The following KLHL5 variants were observed in gnomAD, a reference collection of about 807,000 sequenced individuals.
The protein encoded by KLHL5 is kelch like family member 5, also known as kelch-like protein 5.
KLHL5 carries 48 observed loss-of-function variants against 77.7 expected under a neutral mutation model. That is an observed-to-expected ratio of 0.62 (90% CI 0.49 to 0.79). The LOEUF (loss-of-function observed/expected upper bound fraction) is 0.79, where lower values mean the gene tolerates loss of function less well. Among genes scored for constraint, KLHL5 ranks in the 30% least tolerant of loss-of-function variants. The probability of loss-of-function intolerance (pLI) is 0.00; values close to 1 mark genes in which losing one functional copy is unlikely to be tolerated. For missense variants in KLHL5, 723 were observed against 859.7 expected, an observed-to-expected ratio of 0.84 and a Z score of 1.99; for synonymous variants, 260 against 297.0, an observed-to-expected ratio of 0.88 and a Z score of 1.28.
rs530381604 is a variant in KLHL5 at position 39,115,550 on chromosome 4, T to G, written c.2073+220T>G. 86 of 1,456,220 alleles carry G rather than the reference T, an allele frequency of 5.9e-5. No individual in the cohort carries two copies. The African/African-American group carries it at 1.1e-3, about 19-fold the overall frequency. The allele number at this position is 1,456,220 out of a possible 1,614,324, so 90.2% of individuals were successfully genotyped here. On this transcript the variant is annotated intron_variant, in intron 10 of 10. Transcript: ENST00000504108. The stretch of plus-strand genomic sequence containing the variant: ...GATGTAAGTTAATACTCAGAGAAAT[T>G]ATTAATTATCTGCTACCACTTGCAT...
intron 10 of KLHL5, 54 bp downstream of exon 10, chr4:39,115,384 C>A: frequency 5.0e-6 from 8 of 1,602,004 alleles, no homozygotes; most frequent in Non-Finnish European, 6.8e-6. Context: ...TAAAACAATT[C>A]TTATGGTAAA....
At chr4:39,078,790 G>A (rs796887330) in intron 2 of KLHL5, among the ~76,000 whole-genome samples, 10 of 152,046 alleles carry the variant, frequency 6.6e-5, no homozygotes, top group African/African-American at 2.4e-4. Flanking sequence ...TACACATTGG[G>A]TACAGTGTAC....
chr4:39,070,744 G>A (rs968594392), intron 1 of KLHL5, among the ~76,000 whole-genome samples: 7 of 152,202 alleles, frequency 4.6e-5, no homozygotes, highest in African/African-American at 1.7e-4. Context: ...GGGGAAAAAC[G>A]CCCTATAAAT....
chr4:39,045,174 C>G, intron 1 of KLHL5: 1 of 984,002 alleles, frequency 1.0e-6, no homozygotes, highest in African/African-American at 1.7e-5. Context: ...ACGCGACTCT[C>G]ACGCCCCGCT....
upstream of KLHL5, chr4:39,044,895 C>A: frequency 2.0e-6 from 2 of 976,154 alleles, no homozygotes; most frequent in Non-Finnish European, 2.4e-6. Flanking sequence ...GACCCCCCGG[C>A]CTGGCGCCGC....
chr4:39,078,106 A>C (rs1421620502), intron 2 of KLHL5, among the ~76,000 whole-genome samples: 1 of 152,096 alleles, frequency 6.6e-6, no homozygotes, highest in African/African-American at 2.4e-5. Flanking sequence ...TGATACAATG[A>C]GGCCAGGCGC....
At chr4:39,135,649 A>C in the KLHL5 span, 1 of 152,312 alleles carries the variant, frequency 6.6e-6, no homozygotes. Context: ...CATGCCTGTA[A>C]TCCTAGCACT....
In KLHL5 at chr4:39,081,981, A is replaced by G. The variant is rs1353266637; in HGVS notation, c.722A>G (p.Glu241Gly). ...YAYTGRLELK[E>G]DNIECLLSTA... The stretch of plus-strand genomic sequence containing the variant: ...CATTAAGGCCGCCTTGAATTAAAAG[A>G]AGATAATATTGAGTGCCTGTTATCT... The change falls in exon 4 of 11, where the codon GAA becomes GGA. Residue 241 changes from glutamate (E) to glycine (G), a missense_variant. Physicochemically the swap from Glu to Gly is moderately conservative, Grantham distance 98. Transcript: ENST00000504108. This position sits in a 1 kb window ranked among gnomAD's most constrained non-coding sequence, Gnocchi z 4.3. 6.3e-7 allele frequency: 1 copy of G among 1,593,110 alleles called. No individual in the cohort carries two copies. Among genetic ancestry groups the G allele is most frequent in the East Asian group, 2.2e-5 (1 of 44,690 alleles).
At chr4:39,054,759 C>G (rs1273627084) in intron 1 of KLHL5, among the ~76,000 whole-genome samples, 3 of 152,198 alleles carry the variant, frequency 2.0e-5, no homozygotes, top group Admixed American at 6.5e-5. Context: ...TGACTTACAG[C>G]TCTAACTTGA....
At position 39,062,260 on chromosome 4, in the gene KLHL5, C is replaced by G; in HGVS notation, c.-393C>G. On this transcript the variant is annotated 5_prime_UTR_variant, in exon 1 of 11. Transcript: ENST00000504108. ...GCAACGGGGATAGTGTTTTCTGTCT[C>G]TGTCATTTGTGGTTTAAGAAAAAGG... 1 of 1,294,644 alleles carries G rather than the reference C, an allele frequency of 7.7e-7. No homozygotes were observed. The highest frequency in any genetic ancestry group is 9.8e-7 in the Non-Finnish European group (1 of 1,020,240). The allele number at this position is 1,294,644 out of a possible 1,614,324, so 80.2% of individuals were successfully genotyped here. A position where few individuals can be genotyped will look rare whatever the true frequency, so the allele number is the denominator to read the frequency against.
rs1723396348 is a variant in KLHL5, at chr4:39,124,350, A to C, written c.*3284A>C. 6.6e-6 allele frequency among the ~76,000 whole-genome samples: 1 copy of C among 152,196 alleles called. No homozygotes were observed. Among genetic ancestry groups the C allele is most frequent in the Non-Finnish European group, 1.5e-5 (1 of 68,010 alleles). On this transcript the variant is annotated 3_prime_UTR_variant, in exon 11 of 11. Coordinates refer to ENST00000504108, the MANE Select transcript of KLHL5 (RefSeq NM_015990.5). ...GGATTGCAAGTTACTGAAGGTACTC[A>C]AGTCTGTTCAAAACAATCTTGAACA...
chr4:39,111,396 G>A (rs1166859233), intron 8 of KLHL5, among the ~76,000 whole-genome samples: 1 of 152,172 alleles, frequency 6.6e-6, no homozygotes, highest in African/African-American at 2.4e-5. Context: ...TGGTTCCAGA[G>A]TTCATGCTCT....
rs770157645 is a variant in KLHL5 at position 39,091,241 on chromosome 4, G to A, written c.1113+4514G>A. On this transcript the variant is annotated intron_variant, in intron 5 of 10. Coordinates refer to ENST00000504108, the MANE Select transcript of KLHL5 (RefSeq NM_015990.5). ...TGACCTCAAGAGATCCACCCACTTC[G>A]GTCTCCCAAAGTGCTGGAATTACAG... Among the ~76,000 whole-genome samples, 6 of 150,994 alleles carry A rather than the reference G, an allele frequency of 4.0e-5. No homozygotes were observed. In the South Asian group the frequency reaches 8.4e-4, roughly 21 times the overall value.
In KLHL5 at chr4:39,115,332, T is replaced by G; in HGVS notation, c.2073+2T>G. ...CCCCAGACAAATGAGTGGACCCAGG[T>G]ATGGCATTCATGTTTCATTATTACA... is the stretch of plus-strand genomic sequence containing the variant. On this transcript the variant is annotated splice_donor_variant, in intron 10 of 10. Transcript: ENST00000504108. LOFTEE classifies it high-confidence loss of function. 1 of 1,613,894 alleles carries G rather than the reference T, an allele frequency of 6.2e-7. No homozygotes were observed.
downstream of KLHL5, among the ~76,000 whole-genome samples, chr4:39,129,088 G>A (rs915987717): frequency 1.3e-5 from 2 of 151,520 alleles, no homozygotes; most frequent in African/African-American, 4.8e-5. The surrounding 1 kb of genome is among the most constrained non-coding windows in gnomAD (Gnocchi z 4.2). Context: ...GTAGCCATAC[G>A]GACTGCTTCC....
At chr4:39,071,675 G>A (rs368351066) in intron 1 of KLHL5, among the ~76,000 whole-genome samples, 1 of 152,168 alleles carries the variant, frequency 6.6e-6, no homozygotes, top group East Asian at 1.9e-4. Context: ...AACTGGTGCA[G>A]TGCTGCAACA....
At chr4:39,079,748 C>G (rs1719437495) in intron 2 of KLHL5, among the ~76,000 whole-genome samples, 1 of 152,132 alleles carries the variant, frequency 6.6e-6, no homozygotes, top group Admixed American at 6.6e-5. Context: ...GATCTTTTGT[C>G]TTATTTTGTA....
At chr4:39,138,433 T>C in the KLHL5 span, among the ~76,000 whole-genome samples, 1 of 152,078 alleles carries the variant, frequency 6.6e-6, no homozygotes, top group Non-Finnish European at 1.5e-5. Flanking sequence ...TAAAAAATAA[T>C]GAGACCATGT....
rs914360161 is a variant in KLHL5 at position 39,062,239 on chromosome 4, C to G, written c.-414C>G. 6 of 1,239,486 alleles carry G rather than the reference C, an allele frequency of 4.8e-6. No individual in the cohort carries two copies. Among genetic ancestry groups the G allele is most frequent in the African/African-American group, 1.5e-5 (1 of 64,882 alleles). 76.8% of individuals were successfully genotyped at this position (1,239,486 alleles called of 1,614,324 possible). A position where few individuals can be genotyped will look rare whatever the true frequency, so the allele number is the denominator to read the frequency against. ...AGCAGCAGAGACTGAGATACTGCAACGGGGATAGTGTTTTCTGTCTCTGTC... is the reference window on the plus strand; with the variant it reads ...AGCAGCAGAGACTGAGATACTGCAAGGGGGATAGTGTTTTCTGTCTCTGTC... On this transcript the variant is annotated 5_prime_UTR_variant, in exon 1 of 11. Transcript: ENST00000504108.
Sources: gnomAD v4.1 joint callset for allele counts (sites outside exome capture counted in the v4.1 genomes callset) on GRCh38, gnomAD v4.1.1 for gene constraint, Gnocchi (gnomAD v3.1) non-coding constraint, MANE v1.5 for transcripts, NCBI Gene and HGNC (gene_info 2026-07-23, HGNC 2026-07-21) for gene names.